Variants in VAV3 observed in about 807,000 individuals in gnomAD.
VAV3 encodes guanine nucleotide exchange factor VAV3.
VAV3 carries 94 observed loss-of-function variants against 131.2 expected under a neutral mutation model. The ratio of observed to expected loss-of-function variants is 0.72; its 90% CI spans 0.61 to 0.85. The LOEUF is 0.85. Among genes scored for constraint, VAV3 ranks in the 40% least tolerant of loss-of-function variants. The pLI is 0.00. For synonymous variants in VAV3, 349 were observed against 342.0 expected, an observed-to-expected ratio of 1.02 and a Z score of -0.22; for missense variants, 939 against 1,002.7, an observed-to-expected ratio of 0.94 and a Z score of 0.86.
chr1:107,619,290 G>A (rs151199833), intron 20 of VAV3, among the ~76,000 whole-genome samples: 282 of 152,270 alleles, frequency 1.9e-3, no homozygotes, highest in African/African-American at 6.5e-3. Flanking sequence ...AGAAACTAGT[G>A]AAACAACAAG....
chr1:107,631,289 T>C (rs1424787129), intron 20 of VAV3, among the ~76,000 whole-genome samples: 4 of 152,042 alleles, frequency 2.6e-5, no homozygotes. Flanking sequence ...TAACTAAAAT[T>C]GTAAACTTAC....
chr1:107,913,278 C>T (rs1672454255), intron 1 of VAV3, among the ~76,000 whole-genome samples: 1 of 152,144 alleles, frequency 6.6e-6, no homozygotes, highest in African/African-American at 2.4e-5. Flanking sequence ...AGAGAAATGT[C>T]AGAAGGCCAC....
chr1:107,749,192 GAACA>G (rs1663547762), intron 14 of VAV3, 115 bp from the exon 15 acceptor site: 2 of 881,656 alleles, frequency 2.3e-6, no homozygotes, highest in African/African-American at 1.7e-5. Flanking sequence ...TGTACAAACT[GAACA>G]ATCAAGCTTA....
At chr1:107,725,494 C>A (rs904295276) in intron 15 of VAV3, among the ~76,000 whole-genome samples, 3 of 152,082 alleles carry the variant, frequency 2.0e-5, no homozygotes, top group Admixed American at 1.3e-4. Context: ...TTTTGAAGAG[C>A]TGGTTATGCT....
chr1:107,705,318 A>G (rs1009234924), intron 15 of VAV3, among the ~76,000 whole-genome samples: 1 of 151,688 alleles, frequency 6.6e-6, no homozygotes, highest in Non-Finnish European at 1.5e-5. Context: ...ATTCTCAGAG[A>G]ACTTTAACAA....
intron 17 of VAV3, among the ~76,000 whole-genome samples, chr1:107,689,789 C>T (rs183852641): frequency 6.8e-4 from 103 of 152,292 alleles, no homozygotes; most frequent in African/African-American, 9.9e-4. Context: ...GAAGAAAGAT[C>T]GCCCAAGAGC....
intron 2 of VAV3, among the ~76,000 whole-genome samples, chr1:107,835,803 A>G (rs1399835273): frequency 6.6e-6 from 1 of 152,162 alleles, no homozygotes. Context: ...TTGACCTCTT[A>G]CATCAACAGA....
intron 17 of VAV3, among the ~76,000 whole-genome samples, chr1:107,695,313 G>T (rs1397620741): frequency 6.6e-6 from 1 of 152,076 alleles, no homozygotes; most frequent in African/African-American, 2.4e-5. Context: ...AATTATGTAA[G>T]AATAAGATTA....
intron 2 of VAV3, among the ~76,000 whole-genome samples, chr1:107,852,887 A>G (rs1669291348): frequency 6.6e-6 from 1 of 152,194 alleles, no homozygotes; most frequent in Non-Finnish European, 1.5e-5. Context: ...GGCAAATGCT[A>G]TTCAAAGGAT....
chr1:107,815,829 T>A (rs1265423176), intron 2 of VAV3, among the ~76,000 whole-genome samples: 1 of 152,170 alleles, frequency 6.6e-6, no homozygotes, highest in Non-Finnish European at 1.5e-5. Context: ...CCAACCTTTT[T>A]GGTACCAGGG....
chr1:107,910,231 C>A (rs1175799772), intron 1 of VAV3, among the ~76,000 whole-genome samples: 1 of 152,228 alleles, frequency 6.6e-6, no homozygotes, highest in African/African-American at 2.4e-5. Flanking sequence ...AATACCCAAT[C>A]TAAGCTTTTC....
intron 2 of VAV3, among the ~76,000 whole-genome samples, chr1:107,801,338 C>G (rs923726233): frequency 2.0e-5 from 3 of 152,090 alleles, no homozygotes; most frequent in Non-Finnish European, 4.4e-5. Context: ...TTTTCTATTT[C>G]TGTGAAGAAT....
chr1:107,837,082 C>T (rs1380542223), intron 2 of VAV3, among the ~76,000 whole-genome samples: 1 of 151,712 alleles, frequency 6.6e-6, no homozygotes, highest in African/African-American at 2.4e-5. Flanking sequence ...AATACCAAAA[C>T]CTGGCAGAGA....
intron 19 of VAV3, among the ~76,000 whole-genome samples, chr1:107,655,209 C>T (rs1194323632): frequency 6.6e-6 from 1 of 152,078 alleles, no homozygotes; most frequent in Non-Finnish European, 1.5e-5. Context: ...TATCACACTA[C>T]CTGACTTCAA....
chr1:107,669,902 AAAT>A (rs1468835920), intron 19 of VAV3, among the ~76,000 whole-genome samples: 2 of 152,228 alleles, frequency 1.3e-5, no homozygotes, highest in Non-Finnish European at 2.9e-5. Context: ...CTGATCACCC[AAAT>A]AATGTTACAG....
intron 1 of VAV3, among the ~76,000 whole-genome samples, chr1:107,887,440 GATAGAAATCTGCCCAACACATAAA>G (rs1359763574): frequency 6.6e-6 from 1 of 152,108 alleles, no homozygotes; most frequent in East Asian, 1.9e-4. Context: ...TATTCTTTGG[GATAGAAATCTGCCCAACACATAAA>G]ATCTGCAACC....
chr1:107,774,750 G>A (rs1192670684), intron 4 of VAV3, among the ~76,000 whole-genome samples: 1 of 152,092 alleles, frequency 6.6e-6, no homozygotes, highest in Non-Finnish European at 1.5e-5. Flanking sequence ...TCCACAGTGG[G>A]GACCAGGCCA....
intron 17 of VAV3, among the ~76,000 whole-genome samples, chr1:107,689,778 A>G (rs573622724): frequency 5.9e-5 from 9 of 152,326 alleles, no homozygotes; most frequent in African/African-American, 2.2e-4. Context: ...ATAACGTTTC[A>G]GAAGAAAGAT....
At chr1:107,774,725 G>A (rs1436627899) in intron 4 of VAV3, among the ~76,000 whole-genome samples, 1 of 152,116 alleles carries the variant, frequency 6.6e-6, no homozygotes, top group African/African-American at 2.4e-5. Context: ...CCCAACTTAG[G>A]AAACAATGAT....
Sources: allele counts gnomAD v4.1 joint callset (sites outside exome capture counted in the v4.1 genomes callset), GRCh38; gene constraint gnomAD v4.1.1; transcripts MANE v1.5; gene names NCBI Gene and HGNC (gene_info 2026-07-23, HGNC 2026-07-21).